The following GRIP1 variants were observed in gnomAD, a reference collection of about 807,000 sequenced individuals.
GRIP1 encodes the protein glutamate receptor interacting protein 1.
A neutral mutation model predicts 129.9 loss-of-function variants in GRIP1; 45 were observed. That is an observed-to-expected ratio of 0.35 (90% CI 0.27 to 0.44). The LOEUF is 0.44. GRIP1 is among the 20% of genes least tolerant of loss of function. GRIP1 has a pLI of 1.00. For missense variants in GRIP1, 1,196 were observed against 1,396.8 expected (o/e 0.86, Z 2.29); for synonymous variants, 530 against 520.8 (o/e 1.02, Z -0.24).
At chr12:66,652,528 G>A (rs898656260) in intron 1 of GRIP1, among the ~76,000 whole-genome samples, 17 of 152,186 alleles carry the variant, frequency 1.1e-4, no homozygotes, top group Admixed American at 3.9e-4. Flanking sequence ...ACAAGAAAAC[G>A]TAGGAGATAG....
At chr12:66,520,645 T>C (rs969319038) in intron 5 of GRIP1, among the ~76,000 whole-genome samples, 2 of 152,200 alleles carry the variant, frequency 1.3e-5, no homozygotes, top group African/African-American at 4.8e-5. Context: ...ATAGTGGAAA[T>C]TCCTGCAAAC....
rs78310687 is a variant in GRIP1 at position 66,631,598 on chromosome 12, G to A, written c.56-34671C>T. On this transcript the variant is annotated intron_variant, in intron 1 of 24. Transcript: ENST00000359742. Reference sequence around the variant, plus strand: ...CATTTAGCAAGCATTAAGAAGATGCGAGATTTCTCTCTTTCTCTCTCTCTC... The same window carrying A: ...CATTTAGCAAGCATTAAGAAGATGCAAGATTTCTCTCTTTCTCTCTCTCTC... 2.4e-3 allele frequency among the ~76,000 whole-genome samples: 349 copies of A among 148,384 alleles called. 3 individuals carry two copies. The highest frequency in any genetic ancestry group is 8.4e-3 in the African/African-American group (339 of 40,188).
At chr12:66,901,766 G>A (rs1366500819) in intron 1 of GRIP1, among the ~76,000 whole-genome samples, 1 of 152,138 alleles carries the variant, frequency 6.6e-6, no homozygotes, top group African/African-American at 2.4e-5. Context: ...CTGGCATCAG[G>A]CAAGAGACAC....
rs189570402 is a variant in GRIP1, at chr12:66,586,166, C to T, written c.136+10681G>A. Among the ~76,000 whole-genome samples the T allele has an allele frequency of 2.6e-5, 4 of 152,272 alleles. No homozygotes were observed. In the East Asian group the frequency reaches 5.8e-4, roughly 22 times the overall value. ...GCCTGTTACTCAAGTCCTATTCTCACCTCCACCCATTCAAATGAGGCTTTT... is the reference window on the plus strand; with the variant it reads ...GCCTGTTACTCAAGTCCTATTCTCATCTCCACCCATTCAAATGAGGCTTTT... On this transcript the variant is annotated intron_variant, in intron 2 of 24. Coordinates refer to ENST00000359742, the MANE Select transcript of GRIP1 (RefSeq NM_001366722.1).
chr12:66,909,798 CTAATA>C, intron 1 of GRIP1, among the ~76,000 whole-genome samples: 1 of 152,238 alleles, frequency 6.6e-6, no homozygotes, highest in East Asian at 1.9e-4. Flanking sequence ...TATTTCTCTT[CTAATA>C]TGTCTAAAAT....
chr12:66,564,846 G>C (rs775224189), intron 2 of GRIP1, among the ~76,000 whole-genome samples: 25 of 152,312 alleles, frequency 1.6e-4, no homozygotes, highest in Non-Finnish European at 2.5e-4. Context: ...GTATCTCCTT[G>C]TGGTTTTGAT....
chr12:66,413,913 A>G (rs2057489481), intron 15 of GRIP1, among the ~76,000 whole-genome samples: 1 of 152,046 alleles, frequency 6.6e-6, no homozygotes, highest in African/African-American at 2.4e-5. Flanking sequence ...TCATTTAAAA[A>G]CTCTCAATAA....
At chr12:66,393,685 G>T (rs1332570347) in intron 17 of GRIP1, among the ~76,000 whole-genome samples, 1 of 152,074 alleles carries the variant, frequency 6.6e-6, no homozygotes, top group African/African-American at 2.4e-5. Flanking sequence ...GTGGGGAGTG[G>T]GTGTGTGTGT....
chr12:66,813,930 G>A (rs2039154935), intron 1 of GRIP1, among the ~76,000 whole-genome samples: 1 of 152,122 alleles, frequency 6.6e-6, no homozygotes, highest in Non-Finnish European at 1.5e-5. Flanking sequence ...GGCAAGAGTG[G>A]AAATAGGGTT....
chr12:66,909,466 T>C lies in GRIP1; in HGVS notation c.58+159584A>G, dbSNP rs527998816. 1.2e-4 allele frequency among the ~76,000 whole-genome samples: 18 copies of C among 152,366 alleles called. No individual in the cohort carries two copies. In the South Asian group the frequency reaches 3.3e-3, roughly 28 times the overall value. On this transcript the variant is annotated intron_variant, in intron 1 of 1. Coordinates refer to the GRIP1 transcript ENST00000643019. ...ATTGCATATGCAAAACTAGTTTCAA[T>C]GTAAATCCTGTATATAGAACATTTC... is the stretch of plus-strand genomic sequence containing the variant.
intron 1 of GRIP1, among the ~76,000 whole-genome samples, chr12:66,684,609 C>T (rs1223119796): frequency 6.6e-6 from 1 of 152,116 alleles, no homozygotes; most frequent in Non-Finnish European, 1.5e-5. Context: ...CTTTGGGAGG[C>T]CGAGGTGGGC....
chr12:66,572,904 A>C (rs1370143432), intron 2 of GRIP1, among the ~76,000 whole-genome samples: 1 of 152,208 alleles, frequency 6.6e-6, no homozygotes, highest in Admixed American at 6.5e-5. Flanking sequence ...TCTATATGAC[A>C]GTTCTCTATG....
chr12:66,389,198 TAA>T (rs975649939), intron 19 of GRIP1, among the ~76,000 whole-genome samples: 3 of 152,060 alleles, frequency 2.0e-5, no homozygotes, highest in African/African-American at 7.2e-5. Flanking sequence ...ATAGGAAAAA[TAA>T]AAGTGTGGTT....
chr12:66,658,536 G>A (rs1279828024), intron 1 of GRIP1, among the ~76,000 whole-genome samples: 2 of 151,562 alleles, frequency 1.3e-5, no homozygotes, highest in Admixed American at 6.6e-5. Flanking sequence ...AGCCAAGATC[G>A]TGCCACTGCA....
intron 1 of GRIP1, among the ~76,000 whole-genome samples, chr12:67,030,155 G>A (rs1007790670): frequency 6.6e-6 from 1 of 151,152 alleles, no homozygotes; most frequent in African/African-American, 2.4e-5. Flanking sequence ...AGCTTGCAGT[G>A]AGCCAAGATC....
chr12:66,779,741 T>C (rs2038096347), intron 1 of GRIP1, among the ~76,000 whole-genome samples: 1 of 152,212 alleles, frequency 6.6e-6, no homozygotes, highest in African/African-American at 2.4e-5. Flanking sequence ...CATAATAGTG[T>C]TTTGGGGGGA....
At chr12:66,916,935 T>C (rs1167175517) in intron 1 of GRIP1, among the ~76,000 whole-genome samples, 3 of 152,206 alleles carry the variant, frequency 2.0e-5, no homozygotes, top group Non-Finnish European at 2.9e-5. Context: ...AAACATCATA[T>C]AGCAGTAGGA....
chr12:66,701,272 T>C (rs533408413), intron 1 of GRIP1, among the ~76,000 whole-genome samples: 2 of 152,314 alleles, frequency 1.3e-5, no homozygotes, highest in East Asian at 1.9e-4. Context: ...CTCTTAGCCA[T>C]TGCTTACTCT....
chr12:66,495,347 G>A (rs1208592753), intron 7 of GRIP1, among the ~76,000 whole-genome samples: 1 of 152,180 alleles, frequency 6.6e-6, no homozygotes, highest in African/African-American at 2.4e-5. Context: ...CAGCTTTCTA[G>A]TGTATCATCA....
Sources: gnomAD v4.1 joint callset for allele counts (sites outside exome capture counted in the v4.1 genomes callset) on GRCh38, gnomAD v4.1.1 for gene constraint, MANE v1.5 for transcripts, NCBI Gene and HGNC (gene_info 2026-07-23, HGNC 2026-07-21) for gene names.